The following TRPC4AP variants were observed in gnomAD, a reference collection of about 807,000 sequenced individuals.
The protein encoded by TRPC4AP is transient receptor potential cation channel subfamily C member 4 associated protein.
TRPC4AP carries 45 observed loss-of-function variants against 99.0 expected under a neutral mutation model. The observed-to-expected ratio is 0.45, with a 90% CI of 0.36 to 0.58. The LOEUF is 0.58. Among genes scored for constraint, TRPC4AP ranks in the 20% least tolerant of loss-of-function variants. TRPC4AP has a pLI of 0.00. For missense variants in TRPC4AP, 879 were observed against 985.3 expected, an observed-to-expected ratio of 0.89 and a Z score of 1.44; for synonymous variants, 408 against 385.8, an observed-to-expected ratio of 1.06 and a Z score of -0.67.
At chr20:35,050,712 C>CAA (rs77989763) in intron 5 of TRPC4AP, among the ~76,000 whole-genome samples, 51,255 of 139,120 alleles carry the variant, frequency 0.37, 10,978 homozygotes, top group East Asian at 0.58. Context: ...GACCCTAACT[C>CAA]AAAAAAAAAA....
At chr20:35,090,953 T>C (rs998354976) in intron 1 of TRPC4AP, among the ~76,000 whole-genome samples, 10 of 152,054 alleles carry the variant, frequency 6.6e-5, no homozygotes, top group South Asian at 6.2e-4. Context: ...CTAAAGGTTA[T>C]GTGCTCACTA....
intron 3 of TRPC4AP, among the ~76,000 whole-genome samples, chr20:35,064,851 A>C (rs1251596785): frequency 6.6e-6 from 1 of 152,252 alleles, no homozygotes; most frequent in Admixed American, 6.5e-5. Flanking sequence ...CATAAAATTC[A>C]ACAAAATAGA....
intron 15 of TRPC4AP, 25 bp downstream of exon 15, chr20:35,006,410 C>A: frequency 6.2e-7 from 1 of 1,612,170 alleles, no homozygotes; most frequent in Non-Finnish European, 8.5e-7. Flanking sequence ...CCAGCACACT[C>A]CACAGAGCCC....
At chr20:35,090,180 TA>T (rs11167256) in intron 1 of TRPC4AP, among the ~76,000 whole-genome samples, 33 of 140,868 alleles carry the variant, frequency 2.3e-4, no homozygotes, top group African/African-American at 6.8e-4. Context: ...TGGAATAAAT[TA>T]AAAAAAAAAA....
At chr20:35,008,147 G>A (rs2082554277) in intron 13 of TRPC4AP, among the ~76,000 whole-genome samples, 1 of 152,170 alleles carries the variant, frequency 6.6e-6, no homozygotes, top group East Asian at 1.9e-4. Context: ...AGTGACAAAG[G>A]CCCATGTGGG....
chr20:35,043,960 G>C (rs997461457), intron 7 of TRPC4AP, among the ~76,000 whole-genome samples: 1 of 152,126 alleles, frequency 6.6e-6, no homozygotes, highest in African/African-American at 2.4e-5. Flanking sequence ...CTGATAAAAA[G>C]TAGTTCTTAA....
chr20:35,092,420 A>G (rs2085098834), intron 1 of TRPC4AP, among the ~76,000 whole-genome samples, 194 bp downstream of exon 1: 1 of 152,192 alleles, frequency 6.6e-6, no homozygotes, highest in Admixed American at 6.5e-5. Context: ...GGCCCCTGAC[A>G]AGGGACATCA....
chr20:35,071,591 G>T (rs2145996754), intron 2 of TRPC4AP, among the ~76,000 whole-genome samples: 1 of 152,138 alleles, frequency 6.6e-6, no homozygotes, highest in East Asian at 1.9e-4. Flanking sequence ...ATTCATCCAT[G>T]TCCCTACAAA....
chr20:35,078,229 A>T lies in TRPC4AP; in HGVS notation c.169-55T>A. 1.9e-6 allele frequency: 3 copies of T among 1,574,510 alleles called. No individual in the cohort carries two copies. In the Admixed American group the frequency reaches 5.1e-5, roughly 27 times the overall value. On this transcript the variant is annotated intron_variant, in intron 1 of 18. Coordinates refer to ENST00000252015, the MANE Select transcript of TRPC4AP (RefSeq NM_015638.3). ...ATTGTATTATTGATGATAATAGCTGATACGGCAAAGGAGAGCAGCCGACTT... is the reference window on the plus strand; with the variant it reads ...ATTGTATTATTGATGATAATAGCTGTTACGGCAAAGGAGAGCAGCCGACTT...
chr20:35,021,609 C>A (rs772222399), intron 8 of TRPC4AP, among the ~76,000 whole-genome samples: 1 of 152,192 alleles, frequency 6.6e-6, no homozygotes, highest in Non-Finnish European at 1.5e-5. Flanking sequence ...TCGGACACAG[C>A]CAATACAGTA....
Position 35,076,192 on chromosome 20 carries a change from G to C in TRPC4AP, c.297+1854C>G, listed in dbSNP as rs541206903. ...TTGTCAAGGTTTTTAGCTTCTTTATGATGGGTTCAAACATCCTCCTTTAGC... is the reference window on the plus strand; with the variant it reads ...TTGTCAAGGTTTTTAGCTTCTTTATCATGGGTTCAAACATCCTCCTTTAGC... On this transcript the variant is annotated intron_variant, in intron 2 of 18. Coordinates refer to ENST00000252015, the MANE Select transcript of TRPC4AP (RefSeq NM_015638.3). 6.4e-4 allele frequency among the ~76,000 whole-genome samples: 97 copies of C among 152,214 alleles called. 3 individuals carry two copies. In the South Asian group the frequency reaches 0.018, roughly 29 times the overall value.
intron 1 of TRPC4AP, among the ~76,000 whole-genome samples, chr20:35,088,858 T>C (rs916470413): frequency 1.3e-5 from 2 of 152,160 alleles, no homozygotes; most frequent in African/African-American, 2.4e-5. Context: ...ACTGTATTAC[T>C]ATACTGGGGT....
chr20:35,024,766 T>A (rs976371569), intron 8 of TRPC4AP, among the ~76,000 whole-genome samples: 1 of 136,952 alleles, frequency 7.3e-6, no homozygotes, highest in African/African-American at 2.9e-5. Flanking sequence ...AGGTCAGGGC[T>A]GCAATGAGCT....
At chr20:35,079,851 T>C (rs2084583823) in intron 1 of TRPC4AP, among the ~76,000 whole-genome samples, 1 of 114,482 alleles carries the variant, frequency 8.7e-6, no homozygotes, top group South Asian at 2.9e-4. Flanking sequence ...AGCTCGCCTC[T>C]ACTAAAAATA....
intron 11 of TRPC4AP, 105 bp downstream of exon 11, chr20:35,012,903 G>T: frequency 8.4e-7 from 1 of 1,195,462 alleles, no homozygotes; most frequent in South Asian, 1.3e-5. Flanking sequence ...GCTTCCACCA[G>T]CTCCAGGGCC....
At chr20:35,058,597 G>A (rs770886324) in intron 3 of TRPC4AP, among the ~76,000 whole-genome samples, 1 of 151,538 alleles carries the variant, frequency 6.6e-6, no homozygotes, top group Non-Finnish European at 1.5e-5. Context: ...AAGTATCCAA[G>A]AAGGATGAAA....
At chr20:35,015,461 C>CT (rs57896641) in intron 10 of TRPC4AP, among the ~76,000 whole-genome samples, 16,960 of 126,066 alleles carry the variant, frequency 0.13, 1,675 homozygotes, top group African/African-American at 0.24. Context: ...CAGGCAGGAA[C>CT]TTTTTTTTTT....
chr20:35,086,656 T>A (rs2084892647), intron 1 of TRPC4AP, among the ~76,000 whole-genome samples: 1 of 151,758 alleles, frequency 6.6e-6, no homozygotes. Context: ...GTAAGATTTG[T>A]TTGACTTAAA....
chr20:35,023,287 C>G (rs2082938245), intron 8 of TRPC4AP, among the ~76,000 whole-genome samples: 3 of 152,110 alleles, frequency 2.0e-5, no homozygotes, highest in Admixed American at 2.0e-4. Flanking sequence ...TGTAAAACAG[C>G]AATACTGACA....
Sources: gnomAD v4.1 joint callset for allele counts (sites outside exome capture counted in the v4.1 genomes callset) on GRCh38, gnomAD v4.1.1 for gene constraint, MANE v1.5 for transcripts, NCBI Gene and HGNC (gene_info 2026-07-23, HGNC 2026-07-21) for gene names.